DLG2: variants seen among roughly 807,000 people sequenced by gnomAD.
DLG2 encodes discs large MAGUK scaffold protein 2, also known as disks large homolog 2.
In DLG2, 45 loss-of-function variants were observed where a neutral mutation model predicts 132.5. The ratio of observed to expected loss-of-function variants is 0.34; its 90% CI spans 0.27 to 0.44. DLG2 has a LOEUF of 0.44. DLG2 is among the 20% of genes least tolerant of loss of function. DLG2 has a pLI of 1.00. For missense variants in DLG2, 1,045 were observed against 1,196.9 expected, an observed-to-expected ratio of 0.87 and a Z score of 1.87; for synonymous variants, 424 against 419.6, an observed-to-expected ratio of 1.01 and a Z score of -0.13.
At chr11:84,797,872 T>G (rs1435696052) in intron 6 of DLG2, among the ~76,000 whole-genome samples, 5 of 152,174 alleles carry the variant, frequency 3.3e-5, no homozygotes, top group African/African-American at 1.2e-4. Flanking sequence ...TTCCAAGTAT[T>G]CAAAGAGACT....
At chr11:85,421,742 T>C (rs1376624250) in intron 3 of DLG2, among the ~76,000 whole-genome samples, 1 of 152,076 alleles carries the variant, frequency 6.6e-6, no homozygotes, top group Non-Finnish European at 1.5e-5. Context: ...TTGTTTTTTG[T>C]TTTTGTTTTT....
intron 7 of DLG2, among the ~76,000 whole-genome samples, chr11:84,521,690 T>A (rs1238485960): frequency 6.6e-6 from 1 of 152,164 alleles, no homozygotes; most frequent in Non-Finnish European, 1.5e-5. Flanking sequence ...CTAATTCATA[T>A]AAATATGTTG....
intron 17 of DLG2, among the ~76,000 whole-genome samples, chr11:83,831,817 C>G (rs2054608842): frequency 6.6e-6 from 1 of 152,030 alleles, no homozygotes; most frequent in African/African-American, 2.4e-5. Context: ...GGAACACTCA[C>G]AATGGATTTA....
intron 10 of DLG2, among the ~76,000 whole-genome samples, chr11:84,096,527 A>T (rs2097167780): frequency 6.6e-6 from 1 of 152,074 alleles, no homozygotes; most frequent in South Asian, 2.1e-4. Flanking sequence ...ATAACATAAA[A>T]TCTATTTCAA....
chr11:85,458,846 C>T (rs940837342), intron 3 of DLG2, among the ~76,000 whole-genome samples: 19 of 152,244 alleles, frequency 1.2e-4, no homozygotes, highest in Non-Finnish European at 2.2e-4. Flanking sequence ...GGTTCCTCTC[C>T]CACTTGAGTG....
chr11:83,719,855 T>C (rs2087859874), intron 18 of DLG2, among the ~76,000 whole-genome samples: 2 of 152,078 alleles, frequency 1.3e-5, no homozygotes, highest in Non-Finnish European at 2.9e-5. Flanking sequence ...TGACAGTCAA[T>C]AAGGAGACAG....
intron 3 of DLG2, among the ~76,000 whole-genome samples, chr11:85,508,635 T>C (rs1013782198): frequency 6.6e-6 from 1 of 152,034 alleles, no homozygotes; most frequent in African/African-American, 2.4e-5. Flanking sequence ...TCTAGAACAA[T>C]TGATGGCAAA....
At chr11:84,709,839 T>G (rs1354257177) in intron 6 of DLG2, among the ~76,000 whole-genome samples, 2 of 151,942 alleles carry the variant, frequency 1.3e-5, no homozygotes, top group African/African-American at 4.8e-5. Context: ...AATTGTAGAC[T>G]TGAATAGAAA....
chr11:84,989,777 T>C lies in DLG2; in HGVS notation c.357+121884A>G, dbSNP rs888067203. Among the ~76,000 whole-genome samples, 7 of 152,148 alleles carry C rather than the reference T, an allele frequency of 4.6e-5. No homozygotes were observed. The East Asian group carries it at 5.8e-4, about 13-fold the overall frequency. On this transcript the variant is annotated intron_variant, in intron 6 of 27. Coordinates refer to ENST00000376104, the MANE Select transcript of DLG2 (RefSeq NM_001142699.3). ...TGATGTTGGTACAGGGACAGATACA[T>C]AGATTAATTGAACAGAATGGAAACC...
intron 6 of DLG2, chr11:85,021,616 G>C: frequency 7.4e-7 from 1 of 1,346,030 alleles, no homozygotes; most frequent in Non-Finnish European, 1.1e-6. Flanking sequence ...GGAGTTCATG[G>C]AGCGAGGATC....
intron 20 of DLG2, among the ~76,000 whole-genome samples, chr11:83,538,309 AT>A: frequency 6.6e-6 from 1 of 152,222 alleles, no homozygotes; most frequent in Middle Eastern, 3.4e-3. Flanking sequence ...ATGGACTTCC[AT>A]TTTTCTCTCT....
intron 12 of DLG2, among the ~76,000 whole-genome samples, chr11:83,969,949 A>T (rs1209592537): frequency 2.0e-5 from 3 of 152,018 alleles, no homozygotes; most frequent in Admixed American, 6.6e-5. Flanking sequence ...AAAAAAAAAA[A>T]GATTGCCTAA....
In DLG2 at chr11:85,174,138, A is replaced by G. The variant is rs187967918; in HGVS notation, c.187-19487T>C. On this transcript the variant is annotated intron_variant, in intron 4 of 27. Transcript: ENST00000376104. ...AAGTGGACCTGATAGGTATCTACAG[A>G]ACTCTCCAACCAAAAACAACAGAAT... Among the ~76,000 whole-genome samples, 162 of 152,288 alleles carry G rather than the reference A, an allele frequency of 1.1e-3. 2 individuals carry two copies. The highest frequency in any genetic ancestry group is 3.4e-3 in the African/African-American group (142 of 41,560).
intron 25 of DLG2, among the ~76,000 whole-genome samples, chr11:83,468,607 C>G (rs777162698): frequency 2.0e-5 from 3 of 152,190 alleles, no homozygotes; most frequent in Non-Finnish European, 4.4e-5. Flanking sequence ...TACTGGTTCT[C>G]TGTGTTCACA....
At chr11:84,953,770 A>G (rs1466821751) in intron 6 of DLG2, among the ~76,000 whole-genome samples, 1 of 152,134 alleles carries the variant, frequency 6.6e-6, no homozygotes, top group Non-Finnish European at 1.5e-5. Context: ...CTTTGCTTCA[A>G]GTCCTTCAAT....
intron 17 of DLG2, among the ~76,000 whole-genome samples, chr11:83,794,902 A>G (rs2153912358): frequency 6.6e-6 from 1 of 152,274 alleles, no homozygotes; most frequent in Non-Finnish European, 1.5e-5. Flanking sequence ...TTTCAAGGGC[A>G]TAAGTCAAGC....
intron 4 of DLG2, among the ~76,000 whole-genome samples, chr11:85,181,864 C>T (rs749529839): frequency 6.6e-6 from 1 of 151,510 alleles, no homozygotes; most frequent in Non-Finnish European, 1.5e-5. Context: ...AGGAGATCAT[C>T]GTCCCTTACA....
At chr11:84,716,340 A>G in intron 6 of DLG2, among the ~76,000 whole-genome samples, 1 of 152,106 alleles carries the variant, frequency 6.6e-6, no homozygotes, top group East Asian at 1.9e-4. Context: ...TTTATAAAGT[A>G]TTTTTAGAAT....
intron 7 of DLG2, among the ~76,000 whole-genome samples, chr11:84,473,077 G>T (rs958825353): frequency 1.7e-4 from 26 of 151,880 alleles, no homozygotes; most frequent in African/African-American, 6.0e-4. Context: ...ATGGGAGATA[G>T]ATATGGAGAG....
Sources: gnomAD v4.1 joint callset for allele counts (sites outside exome capture counted in the v4.1 genomes callset) on GRCh38, gnomAD v4.1.1 for gene constraint, MANE v1.5 for transcripts, NCBI Gene and HGNC (gene_info 2026-07-23, HGNC 2026-07-21) for gene names.